Variants in INPP4B observed in about 807,000 individuals in gnomAD.
INPP4B encodes the protein inositol polyphosphate-4-phosphatase type II B.
Under a neutral mutation model 122.5 loss-of-function variants are expected in INPP4B, and 55 were observed. That is an observed-to-expected ratio of 0.45 (90% CI 0.36 to 0.56). INPP4B has a LOEUF of 0.56. INPP4B is among the 20% of genes least tolerant of loss of function. INPP4B has a pLI of 0.00. For missense variants in INPP4B, 1,000 were observed against 1,097.7 expected (o/e 0.91, Z 1.26); for synonymous variants, 403 against 388.7 (o/e 1.04, Z -0.43).
intron 9 of INPP4B, among the ~76,000 whole-genome samples, chr4:142,304,480 A>T (rs1436773514): frequency 6.6e-6 from 1 of 152,030 alleles, no homozygotes; most frequent in African/African-American, 2.4e-5. Context: ...TATCTTATCA[A>T]AACAAAATGA....
chr4:142,345,738 T>C (rs1780108923), intron 7 of INPP4B, among the ~76,000 whole-genome samples: 1 of 152,020 alleles, frequency 6.6e-6, no homozygotes, highest in African/African-American at 2.4e-5. Context: ...GTTATAGTAA[T>C]TAACATTTGA....
chr4:142,622,793 C>T (rs530847052), intron 2 of INPP4B, among the ~76,000 whole-genome samples: 2 of 152,062 alleles, frequency 1.3e-5, no homozygotes, highest in Non-Finnish European at 2.9e-5. Flanking sequence ...AAGATTTCTG[C>T]TGTAAAACAC....
intron 1 of INPP4B, among the ~76,000 whole-genome samples, chr4:142,812,272 T>C (rs1232249737): frequency 2.0e-5 from 3 of 152,278 alleles, no homozygotes; most frequent in Middle Eastern, 3.4e-3. Flanking sequence ...AGAAAGAGTT[T>C]GAAGTTTCAG....
In INPP4B at chr4:142,421,891, A is replaced by G. The variant is rs76167183; in HGVS notation, c.136+7282T>C. ...TTACCACAATCTGCCTGACATTATT[A>G]AAGTTGTTTATCCTCATCACCTCCT... On this transcript the variant is annotated intron_variant, in intron 5 of 25. Transcript: ENST00000262992. 5.1e-3 allele frequency among the ~76,000 whole-genome samples: 777 copies of G among 152,160 alleles called. 5 individuals are homozygous for G. The highest frequency in any genetic ancestry group is 0.018 in the African/African-American group (762 of 41,526).
intron 12 of INPP4B, among the ~76,000 whole-genome samples, chr4:142,229,243 A>G (rs1853040081): frequency 6.6e-6 from 1 of 152,106 alleles, no homozygotes; most frequent in African/African-American, 2.4e-5. Context: ...TCATATGACC[A>G]TTACAAATCA....
At chr4:142,575,944 A>G (rs1368978579) in intron 2 of INPP4B, among the ~76,000 whole-genome samples, 1 of 152,062 alleles carries the variant, frequency 6.6e-6, no homozygotes, top group Admixed American at 6.6e-5. Context: ...TGCTCAGGTT[A>G]CATTTAAGAG....
At chr4:142,157,396 G>A (rs1817798894) in intron 17 of INPP4B, among the ~76,000 whole-genome samples, 1 of 152,068 alleles carries the variant, frequency 6.6e-6, no homozygotes, top group African/African-American at 2.4e-5. Flanking sequence ...CTCGGTTCTT[G>A]TTTGCAAAAA....
At chr4:142,673,889 T>A (rs1294210308) in intron 2 of INPP4B, among the ~76,000 whole-genome samples, 1 of 152,140 alleles carries the variant, frequency 6.6e-6, no homozygotes, top group East Asian at 1.9e-4. Context: ...GGTGGACCCA[T>A]GATACAGCAC....
Position 142,414,472 on chromosome 4 carries a change from G to A in INPP4B, c.137-9148C>T, listed in dbSNP as rs181675372. Among the ~76,000 whole-genome samples, 903 of 152,242 alleles carry A rather than the reference G, an allele frequency of 5.9e-3. 3 individuals are homozygous for A. Among genetic ancestry groups the A allele is most frequent in the Non-Finnish European group, 9.8e-3 (666 of 68,010 alleles). On this transcript the variant is annotated intron_variant, in intron 5 of 25. Coordinates refer to ENST00000262992, the MANE Select transcript of INPP4B (RefSeq NM_001101669.3). ...TGGAACAATGGTGCTCTTGGGAAAT[G>A]CTCTTGGATTGTCTGTGCTGGGAAA...
chr4:142,065,459 C>A (rs186990540), intron 25 of INPP4B, among the ~76,000 whole-genome samples: 1 of 152,234 alleles, frequency 6.6e-6, no homozygotes, highest in Admixed American at 6.5e-5. Context: ...TGTAGGGAAT[C>A]ATTCATTAGC....
chr4:142,219,563 A>G (rs564773827), intron 12 of INPP4B, among the ~76,000 whole-genome samples: 14 of 152,230 alleles, frequency 9.2e-5, no homozygotes, highest in South Asian at 4.1e-4. Flanking sequence ...ACAAATCCAC[A>G]TATGTTCATT....
At chr4:142,072,143 A>G (rs1767805525) in intron 25 of INPP4B, among the ~76,000 whole-genome samples, 1 of 152,190 alleles carries the variant, frequency 6.6e-6, no homozygotes, top group South Asian at 2.1e-4. Context: ...TACACCATGG[A>G]ATACTATGCA....
chr4:142,253,744 A>T (rs1191627681), intron 11 of INPP4B, among the ~76,000 whole-genome samples: 1 of 152,176 alleles, frequency 6.6e-6, no homozygotes, highest in Non-Finnish European at 1.5e-5. Flanking sequence ...CAGCGGTCTG[A>T]GATCAAACTG....
intron 11 of INPP4B, among the ~76,000 whole-genome samples, chr4:142,246,295 A>G (rs1728786250): frequency 6.6e-6 from 1 of 152,110 alleles, no homozygotes; most frequent in Non-Finnish European, 1.5e-5. Context: ...TTTTTGTTCC[A>G]TATGAAATTT....
At chr4:142,839,032 A>G (rs1429162004) in intron 1 of INPP4B, among the ~76,000 whole-genome samples, 1 of 152,224 alleles carries the variant, frequency 6.6e-6, no homozygotes, top group East Asian at 1.9e-4. Context: ...ACTTAAATTC[A>G]CACCTCAGTA....
At chr4:142,298,575 C>G (rs1379817289) in intron 9 of INPP4B, among the ~76,000 whole-genome samples, 1 of 149,324 alleles carries the variant, frequency 6.7e-6, no homozygotes, top group Admixed American at 6.7e-5. Flanking sequence ...ATCCCAGCTA[C>G]TCTGGAGGCT....
chr4:142,079,862 C>T (rs1395816626), intron 25 of INPP4B, among the ~76,000 whole-genome samples: 3 of 152,058 alleles, frequency 2.0e-5, no homozygotes, highest in Non-Finnish European at 4.4e-5. Context: ...TGTAGTCCAA[C>T]CTTATGTCAT....
intron 25 of INPP4B, among the ~76,000 whole-genome samples, chr4:142,037,493 G>A (rs951902596): frequency 6.6e-6 from 1 of 152,072 alleles, no homozygotes; most frequent in Admixed American, 6.6e-5. Flanking sequence ...TTATTCCTTT[G>A]ACTATAGCTA....
chr4:142,259,709 T>C (rs1267868745), intron 11 of INPP4B, among the ~76,000 whole-genome samples: 5 of 152,020 alleles, frequency 3.3e-5, no homozygotes, highest in Non-Finnish European at 1.5e-5. Flanking sequence ...CACAAATACA[T>C]TGTACAGCTA....
Sources: gnomAD v4.1 joint callset for allele counts (sites outside exome capture counted in the v4.1 genomes callset) on GRCh38, gnomAD v4.1.1 for gene constraint, MANE v1.5 for transcripts, NCBI Gene and HGNC (gene_info 2026-07-23, HGNC 2026-07-21) for gene names.